Variants in PRKAG2 observed in about 807,000 individuals in gnomAD.
PRKAG2 encodes the protein 5'-AMP-activated protein kinase subunit gamma-2.
A neutral mutation model predicts 69.6 loss-of-function variants in PRKAG2; 26 were observed. The observed-to-expected ratio is 0.37, with a 90% CI of 0.27 to 0.52. The LOEUF (loss-of-function observed/expected upper bound fraction) is 0.52, where lower values mean the gene tolerates loss of function less well. Ranked by LOEUF, PRKAG2 falls within the 20% of genes least tolerant of loss-of-function variation. The pLI is 0.90. For missense variants in PRKAG2, 557 were observed against 740.0 expected, an observed-to-expected ratio of 0.75 and a Z score of 2.87; for synonymous variants, 293 against 285.0, an observed-to-expected ratio of 1.03 and a Z score of -0.28.
chr7:151,855,186 A>G (rs968791249), intron 1 of PRKAG2, among the ~76,000 whole-genome samples: 149 of 44,832 alleles, frequency 3.3e-3, no homozygotes, highest in Admixed American at 4.5e-3. Flanking sequence ...CTCCACACAC[A>G]CCACCCTCCA....
chr7:151,851,063 G>A (rs764015410), intron 1 of PRKAG2, among the ~76,000 whole-genome samples: 3 of 152,110 alleles, frequency 2.0e-5, no homozygotes, highest in Non-Finnish European at 2.9e-5. Flanking sequence ...TCTTTATCTG[G>A]GATCGAGCCA....
At chr7:151,641,244 C>CT (rs374667332) in intron 4 of PRKAG2, among the ~76,000 whole-genome samples, 2,649 of 105,644 alleles carry the variant, frequency 0.025, 49 homozygotes, top group African/African-American at 0.028. Flanking sequence ...TTCTTTTTTC[C>CT]TTTTTTTTTT....
intron 1 of PRKAG2, among the ~76,000 whole-genome samples, chr7:151,802,949 G>GATATT (rs1554605678): frequency 0.23 from 23,592 of 102,912 alleles, 2,254 homozygotes; most frequent in Non-Finnish European, 0.29. Flanking sequence ...TAAGCAATAT[G>GATATT]ATATATATAT....
At chr7:151,752,072 C>T (rs542711606) in intron 3 of PRKAG2, among the ~76,000 whole-genome samples, 3 of 152,236 alleles carry the variant, frequency 2.0e-5, no homozygotes, top group Non-Finnish European at 2.9e-5. Context: ...CACAGTGATC[C>T]GCCTGGAGAG....
intron 4 of PRKAG2, among the ~76,000 whole-genome samples, chr7:151,659,258 T>C (rs1410041080): frequency 1.3e-5 from 2 of 152,238 alleles, no homozygotes; most frequent in South Asian, 2.1e-4. Context: ...GTGTTTGTTT[T>C]ATCCAGGCCA....
rs1178236310 is a variant in PRKAG2 at position 151,850,370 on chromosome 7, C to A, written c.114+26137G>T. On this transcript the variant is annotated intron_variant, in intron 1 of 15. Transcript: ENST00000287878. This position sits in a 1 kb window ranked among gnomAD's most constrained non-coding sequence, Gnocchi z 4.1. ...CTGTCTAAGCTCCGAAGTAACCCTG[C>A]TCAGCTAATAGGTTATTTCCTCATC... Among the ~76,000 whole-genome samples the A allele has an allele frequency of 6.6e-6, 1 of 152,236 alleles. No homozygotes were observed. Among genetic ancestry groups the A allele is most frequent in the Non-Finnish European group, 1.5e-5 (1 of 68,036 alleles).
chr7:151,581,875 G>A (rs1245864318), intron 6 of PRKAG2, among the ~76,000 whole-genome samples: 6 of 152,180 alleles, frequency 3.9e-5, no homozygotes, highest in South Asian at 4.1e-4. Context: ...CTACAAAAGC[G>A]TTCAGCCCCC....
At chr7:151,786,348 T>C in intron 2 of PRKAG2, 122 bp downstream of exon 2, 1 of 946,258 alleles carries the variant, frequency 1.1e-6, no homozygotes, top group Non-Finnish European at 1.7e-6. Context: ...TACGGCCAGG[T>C]GTGCAAGCGG....
At chr7:151,627,740 A>G (rs1823341238) in intron 5 of PRKAG2, among the ~76,000 whole-genome samples, 2 of 152,202 alleles carry the variant, frequency 1.3e-5, no homozygotes, top group African/African-American at 4.8e-5. Flanking sequence ...GCTGAAGTAC[A>G]GTGGTGCAAC....
intron 5 of PRKAG2, among the ~76,000 whole-genome samples, chr7:151,599,629 G>A (rs1396394385): frequency 6.6e-6 from 1 of 152,124 alleles, no homozygotes; most frequent in Non-Finnish European, 1.5e-5. Flanking sequence ...TTCTCATCAG[G>A]AGCACACAAC....
At position 151,839,243 on chromosome 7, in the gene PRKAG2, T is replaced by C. The variant is rs75302944; in HGVS notation, c.114+37264A>G. On this transcript the variant is annotated intron_variant, in intron 1 of 15. Transcript: ENST00000287878. The stretch of plus-strand genomic sequence containing the variant: ...AGAAAAGTCGTGATATTCTCAGACA[T>C]CAGCCAACTACAGACTGGCCTGCAG... 8.7e-4 allele frequency among the ~76,000 whole-genome samples: 132 copies of C among 152,270 alleles called. 2 individuals are homozygous for C. The East Asian group carries it at 0.024, about 28-fold the overall frequency.
intron 1 of PRKAG2, among the ~76,000 whole-genome samples, chr7:151,876,221 C>A (rs1298083185): frequency 6.6e-6 from 1 of 152,014 alleles, no homozygotes; most frequent in East Asian, 1.9e-4. Context: ...CCGGGCTACG[C>A]CCAGCCGCCC....
chr7:151,566,864 T>C (rs73475422), intron 11 of PRKAG2, among the ~76,000 whole-genome samples: 2,235 of 152,236 alleles, frequency 0.015, 44 homozygotes, highest in African/African-American at 0.051. Context: ...TCAGTAAAAA[T>C]CAGGCTCTGA....
intron 3 of PRKAG2, among the ~76,000 whole-genome samples, chr7:151,710,507 G>A (rs1441779702): frequency 6.6e-6 from 1 of 152,216 alleles, no homozygotes; most frequent in East Asian, 1.9e-4. Flanking sequence ...ATCACACTTA[G>A]AGGAAGACTC....
chr7:151,870,836 CA>C (rs2080205311), intron 1 of PRKAG2, among the ~76,000 whole-genome samples: 1 of 152,262 alleles, frequency 6.6e-6, no homozygotes. Flanking sequence ...CAGGCCCGCC[CA>C]AGCCCAGCCC....
At chr7:151,561,477 C>T (rs1000986705) in intron 14 of PRKAG2, among the ~76,000 whole-genome samples, 1 of 152,180 alleles carries the variant, frequency 6.6e-6, no homozygotes, top group African/African-American at 2.4e-5. Flanking sequence ...TATTAAGAAT[C>T]GCATCCAAGA....
chr7:151,742,019 GC>G (rs1177535240), intron 3 of PRKAG2, among the ~76,000 whole-genome samples: 8 of 152,180 alleles, frequency 5.3e-5, no homozygotes, highest in African/African-American at 1.9e-4. Flanking sequence ...CATGAGCAGG[GC>G]AGGTATAATT....
intron 11 of PRKAG2, among the ~76,000 whole-genome samples, chr7:151,566,826 C>CT (rs1806367276): frequency 6.6e-6 from 1 of 152,048 alleles, no homozygotes; most frequent in African/African-American, 2.4e-5. Context: ...GGTAATGCTC[C>CT]TTTTTTCTCA....
intron 1 of PRKAG2, among the ~76,000 whole-genome samples, chr7:151,856,236 A>C (rs2079772022): frequency 6.6e-6 from 1 of 152,200 alleles, no homozygotes; most frequent in African/African-American, 2.4e-5. Context: ...GCCATCAGGG[A>C]GCCTGTCCAA....
Sources: allele counts gnomAD v4.1 joint callset (sites outside exome capture counted in the v4.1 genomes callset), GRCh38; gene constraint gnomAD v4.1.1; non-coding constraint Gnocchi (gnomAD v3.1); transcripts MANE v1.5; gene names NCBI Gene and HGNC (gene_info 2026-07-23, HGNC 2026-07-21).